STK3: variants seen among roughly 807,000 people sequenced by gnomAD.
STK3 encodes the protein serine/threonine-protein kinase 3.
In STK3, 41 loss-of-function variants were observed where a neutral mutation model predicts 58.0. That is an observed-to-expected ratio of 0.71 (90% CI 0.55 to 0.92). STK3 has a LOEUF of 0.92. STK3 is among the 40% of genes least tolerant of loss of function. The pLI is 0.00. For synonymous variants in STK3, 170 were observed against 191.0 expected (o/e 0.89, Z 0.91); for missense variants, 479 against 602.7 (o/e 0.79, Z 2.15).
At chr8:98,764,741 C>G (rs139063870) in intron 3 of STK3, among the ~76,000 whole-genome samples, 8 of 152,268 alleles carry the variant, frequency 5.3e-5, no homozygotes, top group Admixed American at 1.3e-4. Flanking sequence ...TCCAAGGACA[C>G]TGAGTAAAAT....
At chr8:98,785,143 C>G (rs2131549562) in intron 1 of STK3, among the ~76,000 whole-genome samples, 1 of 152,034 alleles carries the variant, frequency 6.6e-6, no homozygotes, top group South Asian at 2.1e-4. Context: ...GGCCATGCCA[C>G]TCTTCCTATG....
chr8:98,378,422 C>T (rs888477367), intron 2 of STK3, among the ~76,000 whole-genome samples: 3 of 152,188 alleles, frequency 2.0e-5, no homozygotes, highest in Non-Finnish European at 4.4e-5. Flanking sequence ...AGACTTAGGT[C>T]TCAGAGTCAC....
intron 8 of STK3, among the ~76,000 whole-genome samples, chr8:98,565,431 T>A (rs1336838630): frequency 2.0e-5 from 3 of 152,134 alleles, no homozygotes; most frequent in East Asian, 3.8e-4. Flanking sequence ...GTGATTAATG[T>A]CTACAATTTT....
chr8:98,463,300 G>A (rs1820154351), intron 10 of STK3, among the ~76,000 whole-genome samples: 1 of 151,992 alleles, frequency 6.6e-6, no homozygotes, highest in African/African-American at 2.4e-5. Context: ...AATTCATTTT[G>A]TTAGTGATAG....
rs115428146 is a variant in STK3, at chr8:98,885,851, A to G, written c.-78-2017T>C. Among the ~76,000 whole-genome samples the G allele has an allele frequency of 5.6e-3, 846 of 152,306 alleles. 10 individuals carry two copies. The highest frequency in any genetic ancestry group is 0.018 in the African/African-American group (761 of 41,560). On this transcript the variant is annotated intron_variant, in intron 1 of 1. Coordinates refer to the STK3 transcript ENST00000519420. ...TGAATGGTTAGACTGTGGAACACCT[A>G]TATCATGGAATACAACTCAGCAGTA...
chr8:98,859,088 T>C (rs1028577294), intron 3 of STK3, among the ~76,000 whole-genome samples: 21 of 152,186 alleles, frequency 1.4e-4, no homozygotes, highest in Non-Finnish European at 2.8e-4. Flanking sequence ...TGAATTTATT[T>C]GATTTTTGGA....
At chr8:98,741,745 C>A (rs554752026) in intron 4 of STK3, among the ~76,000 whole-genome samples, 1 of 152,022 alleles carries the variant, frequency 6.6e-6, no homozygotes, top group East Asian at 1.9e-4. Context: ...TAACTAAAAT[C>A]GAACCAGAAC....
Position 98,477,434 on chromosome 8 carries a change from T to C in STK3, c.1318-21434A>G, listed in dbSNP as rs113733673. 3.3e-3 allele frequency among the ~76,000 whole-genome samples: 505 copies of C among 152,034 alleles called. 5 individuals are homozygous for C. Among genetic ancestry groups the C allele is most frequent in the African/African-American group, 0.012 (477 of 41,460 alleles). On this transcript the variant is annotated intron_variant, in intron 10 of 10. Transcript: ENST00000419617. ...AACACATACATATCCTTTAAAAACA[T>C]CTTTCTCAACCCCAACTCCCTAGCA...
chr8:98,888,405 A>C (rs542814251), intron 1 of STK3, among the ~76,000 whole-genome samples: 4 of 152,322 alleles, frequency 2.6e-5, no homozygotes, highest in African/African-American at 9.6e-5. Context: ...GAGTGGTCTC[A>C]GTGCCTCCGG....
At chr8:98,567,542 C>T (rs1454779677) in intron 8 of STK3, among the ~76,000 whole-genome samples, 1 of 152,142 alleles carries the variant, frequency 6.6e-6, no homozygotes, top group Non-Finnish European at 1.5e-5. Flanking sequence ...ATATGATTTG[C>T]TTTAATTGTC....
At chr8:98,720,945 A>T (rs72666688) in intron 4 of STK3, 11,787 of 285,426 alleles carry the variant, frequency 0.041, 272 homozygotes, top group South Asian at 0.059. Flanking sequence ...AGTAAAAAAA[A>T]ATCATCCCTG....
At chr8:98,539,705 T>C (rs1174581685) in intron 9 of STK3, among the ~76,000 whole-genome samples, 1 of 152,214 alleles carries the variant, frequency 6.6e-6, no homozygotes, top group Non-Finnish European at 1.5e-5. Context: ...GAAAGGTTAA[T>C]ATAAGTAAAT....
intron 8 of STK3, among the ~76,000 whole-genome samples, chr8:98,562,252 T>C (rs1303120176): frequency 6.6e-6 from 1 of 152,104 alleles, no homozygotes; most frequent in Non-Finnish European, 1.5e-5. Flanking sequence ...CCCAAACTAA[T>C]AAGTAACTAT....
At chr8:98,893,540 AAG>A (rs1378418101) in intron 1 of STK3, among the ~76,000 whole-genome samples, 1 of 141,574 alleles carries the variant, frequency 7.1e-6, no homozygotes, top group Non-Finnish European at 1.6e-5. Context: ...AAGAAAGAAA[AAG>A]AAAGAGAAAG....
chr8:98,583,210 C>T (rs1317223203), intron 7 of STK3, among the ~76,000 whole-genome samples: 2 of 151,720 alleles, frequency 1.3e-5, no homozygotes, highest in African/African-American at 2.4e-5. Context: ...AATACCAATA[C>T]CATTGAATAC....
intron 1 of STK3, among the ~76,000 whole-genome samples, chr8:98,783,430 TA>T (rs1832246470): frequency 6.6e-6 from 1 of 152,172 alleles, no homozygotes; most frequent in African/African-American, 2.4e-5. Context: ...AAATTAAAAA[TA>T]AAAAAGATTT....
At chr8:98,859,992 G>A (rs1836867396) in intron 3 of STK3, among the ~76,000 whole-genome samples, 1 of 152,178 alleles carries the variant, frequency 6.6e-6, no homozygotes, top group African/African-American at 2.4e-5. Flanking sequence ...GAGAGGTGTG[G>A]TTGTGGGTGT....
chr8:98,557,861 A>G (rs1811719561), intron 8 of STK3, among the ~76,000 whole-genome samples: 1 of 152,130 alleles, frequency 6.6e-6, no homozygotes, highest in Non-Finnish European at 1.5e-5. Flanking sequence ...CAAAGCTTTC[A>G]GGATCTCCAA....
intron 4 of STK3, among the ~76,000 whole-genome samples, chr8:98,743,367 G>C (rs1357400910): frequency 6.6e-6 from 1 of 151,998 alleles, no homozygotes; most frequent in Non-Finnish European, 1.5e-5. Context: ...AAACAGCATG[G>C]TACTGGTACC....
Sources: allele counts gnomAD v4.1 joint callset (sites outside exome capture counted in the v4.1 genomes callset), GRCh38; gene constraint gnomAD v4.1.1; transcripts MANE v1.5; gene names NCBI Gene and HGNC (gene_info 2026-07-23, HGNC 2026-07-21).